Variants in TGFBRAP1 observed in about 807,000 individuals in gnomAD.
The protein encoded by TGFBRAP1 is transforming growth factor beta receptor associated protein 1.
In TGFBRAP1, 20 loss-of-function variants were observed where a neutral mutation model predicts 83.2. The ratio of observed to expected loss-of-function variants is 0.24; its 90% confidence interval spans 0.17 to 0.35. TGFBRAP1 has a LOEUF of 0.35. Among genes scored for constraint, TGFBRAP1 ranks in the 10% least tolerant of loss-of-function variants. The probability of loss-of-function intolerance (pLI) is 1.00; values close to 1 mark genes in which losing one functional copy is unlikely to be tolerated. For synonymous variants in TGFBRAP1, 415 were observed against 459.8 expected (o/e 0.90, Z 1.25); for missense variants, 950 against 1,099.4 (o/e 0.86, Z 1.92).
chr2:105,267,296 A>G lies in TGFBRAP1; in HGVS notation c.*87T>C, dbSNP rs1006806166. ...CAGATGTCTCCCTTCGTCCTGGCTGACACAGAGCATGGTGGTCATCTGCTC... is the reference window on the plus strand; with the variant it reads ...CAGATGTCTCCCTTCGTCCTGGCTGGCACAGAGCATGGTGGTCATCTGCTC... On this transcript the variant is annotated 3_prime_UTR_variant, in exon 12 of 12. Transcript: ENST00000393359. 6.5e-7 allele frequency: 1 copy of G among 1,544,906 alleles called. No individual in the cohort carries two copies. Among genetic ancestry groups the G allele is most frequent in the South Asian group, 1.2e-5 (1 of 80,974 alleles).
chr2:105,260,045 T>C (rs904428096), downstream of TGFBRAP1, among the ~76,000 whole-genome samples: 5 of 152,212 alleles, frequency 3.3e-5, no homozygotes, highest in African/African-American at 1.2e-4. Flanking sequence ...AAAGAGTCTA[T>C]GCACATACAC....
At chr2:105,263,256 A>G (rs1247064423), downstream of TGFBRAP1, among the ~76,000 whole-genome samples, 1 of 152,212 alleles carries the variant, frequency 6.6e-6, no homozygotes, top group African/African-American at 2.4e-5. Context: ...TCAGATACCA[A>G]TGAGGTAAAA....
At chr2:105,306,054 GTT>G (rs975153596) in intron 2 of TGFBRAP1, among the ~76,000 whole-genome samples, 3 of 111,070 alleles carry the variant, frequency 2.7e-5, no homozygotes, top group Non-Finnish European at 3.7e-5. Flanking sequence ...CTGGTTTTTT[GTT>G]TTTTGTTTTT....
chr2:105,280,247 T>C, intron 6 of TGFBRAP1, 135 bp downstream of exon 6: 1 of 881,152 alleles, frequency 1.1e-6, no homozygotes, highest in Non-Finnish European at 1.7e-6. Flanking sequence ...TATGATTTCG[T>C]GGCAGTCACC....
chr2:105,268,129 A>C (rs909658915), intron 11 of TGFBRAP1, among the ~76,000 whole-genome samples: 3 of 152,174 alleles, frequency 2.0e-5, no homozygotes, highest in Non-Finnish European at 4.4e-5. Context: ...AAAGTTATAA[A>C]GTTTTTCTAC....
intron 3 of TGFBRAP1, 95 bp downstream of exon 3, chr2:105,298,416 C>T: frequency 7.4e-7 from 1 of 1,355,302 alleles, no homozygotes; most frequent in Non-Finnish European, 1.0e-6. Context: ...ATCTTTTATG[C>T]TTAGCGCAAG....
Position 105,275,625 on chromosome 2 carries a change from T to G in TGFBRAP1, c.1600A>C (p.Thr534Pro). ...ACTAGTTCCTCGTCTAAGCAGTAGG[T>G]AAGAAAATCCACGATGTATTCATAC... The part of the protein sequence containing the change: ...DLYEYIVDFL[T>P]YCLDEELVWA... The change falls in exon 8 of 12, where the codon ACC becomes CCC. Residue 534 changes from threonine (T) to proline (P), a missense_variant. By Grantham distance (38) the Thr-to-Pro change is conservative. Transcript: ENST00000393359. 6.2e-7 allele frequency: 1 copy of G among 1,614,016 alleles called. No homozygotes were observed. The highest frequency in any genetic ancestry group is 8.5e-7 in the Non-Finnish European group (1 of 1,180,002).
chr2:105,303,692 G>T (rs1033401600), intron 2 of TGFBRAP1, among the ~76,000 whole-genome samples: 1 of 152,200 alleles, frequency 6.6e-6, no homozygotes, highest in Non-Finnish European at 1.5e-5. Flanking sequence ...ATTACAGAGC[G>T]ATGAAGGCAT....
intron 1 of TGFBRAP1, among the ~76,000 whole-genome samples, chr2:105,323,098 G>C (rs1170234875): frequency 6.6e-6 from 1 of 152,198 alleles, no homozygotes; most frequent in East Asian, 1.9e-4. Flanking sequence ...GGGACACCTT[G>C]CCTTATTCCC....
chr2:105,276,449 CAG>C (rs1013251273), intron 7 of TGFBRAP1, among the ~76,000 whole-genome samples: 21 of 152,174 alleles, frequency 1.4e-4, no homozygotes, highest in African/African-American at 4.8e-4. Flanking sequence ...AGCCCAGAAA[CAG>C]GGGTGGCATA....
intron 1 of TGFBRAP1, among the ~76,000 whole-genome samples, chr2:105,323,792 T>C (rs920659496): frequency 6.6e-6 from 1 of 152,152 alleles, no homozygotes; most frequent in African/African-American, 2.4e-5. Context: ...TGAAGTCCCA[T>C]CTGAAAAATG....
chr2:105,278,797 C>G (rs866726383), intron 6 of TGFBRAP1, among the ~76,000 whole-genome samples: 1 of 152,004 alleles, frequency 6.6e-6, no homozygotes, highest in Non-Finnish European at 1.5e-5. Flanking sequence ...TTTCCTCAAC[C>G]TTTTGGAAAG....
At position 105,264,557 on chromosome 2, in the gene TGFBRAP1, G is replaced by A. The variant is rs913338313; in HGVS notation, c.*2826C>T. 1 of 152,254 alleles carries A rather than the reference G, an allele frequency of 6.6e-6. No individual in the cohort carries two copies. The highest frequency in any genetic ancestry group is 2.4e-5 in the African/African-American group (1 of 41,470). 9.4% of individuals were successfully genotyped at this position (152,254 alleles called of 1,614,324 possible). On this transcript the variant is annotated 3_prime_UTR_variant, in exon 12 of 12. Coordinates refer to ENST00000393359, the MANE Select transcript of TGFBRAP1 (RefSeq NM_004257.6). ...AAAGGATAAAGTTGCAAGGACAAAG[G>A]TTTCTGTGGGAGAGCAAGCAAAAAG...
chr2:105,295,664 T>C (rs552974805), intron 4 of TGFBRAP1, among the ~76,000 whole-genome samples: 3 of 151,766 alleles, frequency 2.0e-5, no homozygotes, highest in Non-Finnish European at 4.4e-5. Context: ...TACAAAAATT[T>C]GCTGGGTGTG....
chr2:105,300,836 T>C (rs1279303639), intron 2 of TGFBRAP1, among the ~76,000 whole-genome samples: 6 of 152,126 alleles, frequency 3.9e-5, no homozygotes, highest in Non-Finnish European at 1.5e-5. Context: ...CCCAATACAT[T>C]AGGAAATTTA....
chr2:105,311,145 T>TAAAAAAAAAAA (rs11389565), intron 1 of TGFBRAP1, among the ~76,000 whole-genome samples: 1 of 125,446 alleles, frequency 8.0e-6, no homozygotes, highest in Non-Finnish European at 1.6e-5. Context: ...GAGAGAGCTG[T>TAAAAAAAAAAA]AAAAAAAAAA....
At chr2:105,303,930 CA>C (rs1207324295) in intron 2 of TGFBRAP1, among the ~76,000 whole-genome samples, 1 of 151,682 alleles carries the variant, frequency 6.6e-6, no homozygotes, top group African/African-American at 2.4e-5. Context: ...TAAAGAAAAG[CA>C]AAAAAGAGAT....
intron 2 of TGFBRAP1, among the ~76,000 whole-genome samples, chr2:105,302,848 C>T (rs1203061729): frequency 6.6e-6 from 1 of 152,134 alleles, no homozygotes; most frequent in Non-Finnish European, 1.5e-5. Flanking sequence ...ATGGCATAAC[C>T]ACACAGAGGA....
rs574877061 is a variant in TGFBRAP1 at position 105,308,218 on chromosome 2, C to G, written c.84G>C (p.Glu28Asp). The change falls in exon 2 of 12, where the codon GAG (glutamate) becomes GAC (aspartate). Residue 28 changes from glutamate (E) to aspartate (D), a missense_variant. Coordinates refer to ENST00000393359, the MANE Select transcript of TGFBRAP1 (RefSeq NM_004257.6). Reference protein sequence around the residue: ...LMGDKERVNIECVECCGRDLY... With the variant: ...LMGDKERVNIDCVECCGRDLY... Reference sequence around the variant, plus strand: ...GGTCCCTGCCGCAGCACTCCACGCACTCTATGTTGACGCGCTCCTTGTCGC... The same window carrying G: ...GGTCCCTGCCGCAGCACTCCACGCAGTCTATGTTGACGCGCTCCTTGTCGC... The G allele has an allele frequency of 4.3e-6, 7 of 1,614,236 alleles. No homozygotes were observed. In the South Asian group the frequency reaches 6.6e-5, roughly 15 times the overall value.
Sources: gnomAD v4.1 joint callset for allele counts (sites outside exome capture counted in the v4.1 genomes callset) on GRCh38, gnomAD v4.1.1 for gene constraint, MANE v1.5 for transcripts, NCBI Gene and HGNC (gene_info 2026-07-23, HGNC 2026-07-21) for gene names.